Variants in FRMD3 observed in about 807,000 individuals in gnomAD.
FRMD3 encodes FERM domain containing 3.
FRMD3 carries 33 observed loss-of-function variants against 70.2 expected under a neutral mutation model. The observed-to-expected ratio is 0.47, with a 90% confidence interval of 0.36 to 0.63. FRMD3 has a LOEUF of 0.63. FRMD3 is among the 20% of genes least tolerant of loss of function. FRMD3 has a pLI of 0.00. For synonymous variants in FRMD3, 279 were observed against 255.9 expected (o/e 1.09, Z -0.86); for missense variants, 632 against 711.4 (o/e 0.89, Z 1.27).
chr9:83,259,374 A>G (rs1260462654), intron 13 of FRMD3, among the ~76,000 whole-genome samples: 1 of 152,156 alleles, frequency 6.6e-6, no homozygotes, highest in Non-Finnish European at 1.5e-5. Context: ...ATATCACATC[A>G]TCATCAGGGA....
At chr9:83,484,224 G>C (rs1381413023) in intron 1 of FRMD3, among the ~76,000 whole-genome samples, 1 of 152,186 alleles carries the variant, frequency 6.6e-6, no homozygotes, top group Non-Finnish European at 1.5e-5. Context: ...GGGATCTTAT[G>C]GAAGTCTGGG....
intron 3 of FRMD3, among the ~76,000 whole-genome samples, chr9:83,356,741 C>T (rs755096880): frequency 6.7e-5 from 10 of 149,580 alleles, no homozygotes; most frequent in Non-Finnish European, 1.0e-4. Context: ...TCCTTTTTAA[C>T]AATTTTTTTT....
intron 2 of FRMD3, among the ~76,000 whole-genome samples, chr9:83,387,158 C>T (rs1825535440): frequency 6.6e-6 from 1 of 152,120 alleles, no homozygotes; most frequent in South Asian, 2.1e-4. Flanking sequence ...CTAATTTTAG[C>T]TCTTGCCTGC....
chr9:83,368,833 T>C (rs533557812), intron 3 of FRMD3, among the ~76,000 whole-genome samples: 7 of 152,112 alleles, frequency 4.6e-5, no homozygotes, highest in Non-Finnish European at 8.8e-5. Context: ...AATGTATATA[T>C]CTTTAGATCT....
At chr9:83,345,109 A>C (rs539175350) in intron 4 of FRMD3, among the ~76,000 whole-genome samples, 53 of 152,306 alleles carry the variant, frequency 3.5e-4, no homozygotes, top group African/African-American at 1.3e-3. Context: ...TGAAGGAATC[A>C]GTGGCTCACT....
At chr9:83,441,789 G>T (rs1235997100) in intron 1 of FRMD3, among the ~76,000 whole-genome samples, 1 of 152,128 alleles carries the variant, frequency 6.6e-6, no homozygotes, top group Non-Finnish European at 1.5e-5. Flanking sequence ...AGCTTTAGAT[G>T]CCATGACAGA....
chr9:83,390,028 A>C (rs1487146997), intron 1 of FRMD3, among the ~76,000 whole-genome samples: 1 of 152,230 alleles, frequency 6.6e-6, no homozygotes, highest in East Asian at 1.9e-4. Flanking sequence ...TTCACAACAC[A>C]GTAACTTGTG....
intron 2 of FRMD3, among the ~76,000 whole-genome samples, chr9:83,388,336 G>C (rs772344070): frequency 2.0e-5 from 3 of 152,144 alleles, no homozygotes; most frequent in Non-Finnish European, 4.4e-5. Flanking sequence ...GGAAGATCAG[G>C]GACATTGAGG....
chr9:83,266,078 C>A (rs1470360236), intron 13 of FRMD3, among the ~76,000 whole-genome samples: 1 of 151,760 alleles, frequency 6.6e-6, no homozygotes, highest in Non-Finnish European at 1.5e-5. Context: ...TCCTTCAAGT[C>A]ATATGATAAA....
chr9:83,524,207 T>G (rs965390227), intron 1 of FRMD3, among the ~76,000 whole-genome samples: 1 of 152,254 alleles, frequency 6.6e-6, no homozygotes, highest in East Asian at 1.9e-4. Flanking sequence ...AAAGGGCAGA[T>G]AGAAAATTTC....
chr9:83,272,445 C>T (rs7026224), intron 13 of FRMD3, among the ~76,000 whole-genome samples: 135,827 of 151,828 alleles, frequency 0.89, 61,309 homozygotes, highest in East Asian at 1. Context: ...TGGCGTGATC[C>T]CCGCTCGCTA....
intron 1 of FRMD3, among the ~76,000 whole-genome samples, chr9:83,443,593 A>G (rs1271538607): frequency 1.3e-5 from 2 of 152,230 alleles, no homozygotes; most frequent in African/African-American, 2.4e-5. Flanking sequence ...TAGTGCCGCA[A>G]TAAACATACA....
At chr9:83,293,899 G>A (rs1307481197) in intron 12 of FRMD3, among the ~76,000 whole-genome samples, 1 of 152,192 alleles carries the variant, frequency 6.6e-6, no homozygotes, top group Non-Finnish European at 1.5e-5. Flanking sequence ...AAACCCAAAG[G>A]TGGATACAAC....
chr9:83,393,103 C>A (rs574882859), intron 1 of FRMD3, among the ~76,000 whole-genome samples: 18 of 152,284 alleles, frequency 1.2e-4, no homozygotes, highest in Admixed American at 9.1e-4. Flanking sequence ...TAAGTATAGA[C>A]TTTTGATGCT....
intron 1 of FRMD3, among the ~76,000 whole-genome samples, chr9:83,480,807 G>A (rs538008441): frequency 6.6e-6 from 1 of 152,270 alleles, no homozygotes; most frequent in South Asian, 2.1e-4. Context: ...GTATACAGGA[G>A]AATGTGCATA....
intron 1 of FRMD3, among the ~76,000 whole-genome samples, chr9:83,433,499 C>T (rs533818320): frequency 1.3e-5 from 2 of 152,304 alleles, no homozygotes; most frequent in Admixed American, 6.5e-5. Context: ...AATTTTTCCA[C>T]GGATCAAGGT....
At chr9:83,393,949 G>GTTTT (rs372574147) in intron 1 of FRMD3, among the ~76,000 whole-genome samples, 229 of 146,430 alleles carry the variant, frequency 1.6e-3, no homozygotes, top group Non-Finnish European at 2.6e-3. Context: ...TGTTGTTGTT[G>GTTTT]TTTTTTTTTA....
At position 83,377,687 on chromosome 9, in the gene FRMD3, T is replaced by C. The variant is rs76989447; in HGVS notation, c.253-4732A>G. ...CTTGCCCTTTGCTGTCCACCATGACTGTAAGCTCCCTGATGCCTCCCCAGA... is the reference window on the plus strand; with the variant it reads ...CTTGCCCTTTGCTGTCCACCATGACCGTAAGCTCCCTGATGCCTCCCCAGA... On this transcript the variant is annotated intron_variant, in intron 2 of 13. Transcript: ENST00000304195. Among the ~76,000 whole-genome samples, 520 of 152,178 alleles carry C rather than the reference T, an allele frequency of 3.4e-3. 1 individual carries two copies. Among genetic ancestry groups the C allele is most frequent in the Middle Eastern group, 6.8e-3 (2 of 294 alleles).
chr9:83,458,000 CAAAAAAAAAAAAAAA>C (rs10555580), intron 1 of FRMD3, among the ~76,000 whole-genome samples: 1 of 87,952 alleles, frequency 1.1e-5, no homozygotes. Context: ...TATTACCTCT[CAAAAAAAAAAAAAAA>C]AAAAAAACAG....
Sources: allele counts gnomAD v4.1 joint callset (sites outside exome capture counted in the v4.1 genomes callset), GRCh38; gene constraint gnomAD v4.1.1; transcripts MANE v1.5; gene names NCBI Gene and HGNC (gene_info 2026-07-23, HGNC 2026-07-21).